SCAMP1: variants seen among roughly 807,000 people sequenced by gnomAD.
SCAMP1 encodes secretory carrier membrane protein 1.
SCAMP1 carries 15 observed loss-of-function variants against 41.8 expected under a neutral mutation model. The observed-to-expected ratio is 0.36, with a 90% CI of 0.24 to 0.55. The LOEUF (loss-of-function observed/expected upper bound fraction) is 0.55. Ranked by LOEUF, SCAMP1 falls within the 20% of genes least tolerant of loss-of-function variation. SCAMP1 has a pLI of 0.86. For missense variants in SCAMP1, 341 were observed against 412.6 expected (o/e 0.83, Z 1.50); for synonymous variants, 135 against 136.8 (o/e 0.99, Z 0.09).
chr5:78,444,059 G>C (rs948775736), intron 6 of SCAMP1, among the ~76,000 whole-genome samples: 14 of 151,802 alleles, frequency 9.2e-5, no homozygotes, highest in Admixed American at 9.2e-4. Context: ...TGTGGTAAGG[G>C]GCAGTTCATA....
At chr5:78,405,277 A>G (rs1183608565) in intron 2 of SCAMP1, among the ~76,000 whole-genome samples, 1 of 152,172 alleles carries the variant, frequency 6.6e-6, no homozygotes, top group East Asian at 1.9e-4. Context: ...AGTCTTTAAA[A>G]TAGCCTTTAA....
chr5:78,410,334 T>C (rs1407852722), intron 2 of SCAMP1, among the ~76,000 whole-genome samples: 1 of 152,068 alleles, frequency 6.6e-6, no homozygotes, highest in Non-Finnish European at 1.5e-5. Flanking sequence ...GTGTGTGTTT[T>C]TCCCCACCAT....
At chr5:78,377,004 C>T (rs1751080993) in intron 1 of SCAMP1, among the ~76,000 whole-genome samples, 1 of 152,062 alleles carries the variant, frequency 6.6e-6, no homozygotes, top group Non-Finnish European at 1.5e-5. Context: ...GATTTTCCCC[C>T]CTACCTTGGG....
At chr5:78,454,525 G>A (rs1424076679) in intron 7 of SCAMP1, among the ~76,000 whole-genome samples, 4 of 151,838 alleles carry the variant, frequency 2.6e-5, no homozygotes, top group Non-Finnish European at 4.4e-5. Context: ...GCATCCCAGG[G>A]ATGAAGCCCA....
intron 8 of SCAMP1, among the ~76,000 whole-genome samples, chr5:78,460,069 G>A (rs934634094): frequency 1.3e-5 from 2 of 152,080 alleles, no homozygotes; most frequent in African/African-American, 4.8e-5. Context: ...CATCTATGTT[G>A]CTACGAAGGA....
chr5:78,465,993 G>C (rs1753736951), intron 8 of SCAMP1, among the ~76,000 whole-genome samples: 1 of 152,230 alleles, frequency 6.6e-6, no homozygotes, highest in Admixed American at 6.5e-5. Flanking sequence ...GCGGCACCTA[G>C]GTTAGTGTTT....
At chr5:78,408,102 TAAAG>T (rs1453297388) in intron 2 of SCAMP1, among the ~76,000 whole-genome samples, 5 of 152,152 alleles carry the variant, frequency 3.3e-5, no homozygotes, top group Admixed American at 1.3e-4. Context: ...ATGCTGCTAA[TAAAG>T]ACATACCCGA....
At chr5:78,419,773 TC>T (rs1219020182) in intron 5 of SCAMP1, among the ~76,000 whole-genome samples, 1 of 152,222 alleles carries the variant, frequency 6.6e-6, no homozygotes, top group Non-Finnish European at 1.5e-5. Context: ...GAGATAATTT[TC>T]CTTAAAATCT....
At chr5:78,375,910 A>T (rs755501477) in intron 1 of SCAMP1, among the ~76,000 whole-genome samples, 1 of 152,218 alleles carries the variant, frequency 6.6e-6, no homozygotes, top group Non-Finnish European at 1.5e-5. Flanking sequence ...ATTTTCTAGT[A>T]GCCATATTAG....
chr5:78,373,002 A>G (rs564166040), intron 1 of SCAMP1, among the ~76,000 whole-genome samples: 213 of 152,268 alleles, frequency 1.4e-3, no homozygotes, highest in Non-Finnish European at 2.6e-3. Flanking sequence ...ATAACTAAAT[A>G]CTGAAGTTAG....
chr5:78,401,044 A>G (rs988496151), intron 2 of SCAMP1, among the ~76,000 whole-genome samples: 9 of 152,240 alleles, frequency 5.9e-5, no homozygotes, highest in African/African-American at 1.9e-4. Flanking sequence ...TGGTTTTATT[A>G]TGCATGTGTG....
chr5:78,429,287 T>G (rs947882675), intron 6 of SCAMP1, among the ~76,000 whole-genome samples: 34 of 151,784 alleles, frequency 2.2e-4, no homozygotes, highest in African/African-American at 7.5e-4. Context: ...TTTTTTTTTT[T>G]GTAGATGCCC....
intron 2 of SCAMP1, among the ~76,000 whole-genome samples, chr5:78,403,950 CAAAAAAAAAAAAA>C (rs61249151): frequency 2.8e-4 from 14 of 49,346 alleles, no homozygotes; most frequent in Non-Finnish European, 2.1e-4. Flanking sequence ...GACTCTGTCT[CAAAAAAAAAAAAA>C]AAAAAAAAAA....
intron 2 of SCAMP1, among the ~76,000 whole-genome samples, chr5:78,404,670 G>T (rs1285383032): frequency 6.6e-5 from 10 of 152,122 alleles, no homozygotes. Context: ...GTTGGCTGCA[G>T]TTGGGTATTT....
intron 2 of SCAMP1, among the ~76,000 whole-genome samples, chr5:78,391,419 C>G (rs989244670): frequency 2.0e-5 from 3 of 151,646 alleles, no homozygotes; most frequent in African/African-American, 4.8e-5. Context: ...CTGACCCCCC[C>G]ACCTCCCTCC....
intron 8 of SCAMP1, among the ~76,000 whole-genome samples, chr5:78,463,861 TAATG>T (rs1219591642): frequency 1.2e-5 from 1 of 81,324 alleles, no homozygotes; most frequent in Non-Finnish European, 2.4e-5. Context: ...GATTTTATCT[TAATG>T]AAGCTTTTTT....
intron 8 of SCAMP1, among the ~76,000 whole-genome samples, chr5:78,474,291 C>G (rs1321212034): frequency 2.0e-5 from 3 of 152,102 alleles, no homozygotes; most frequent in Non-Finnish European, 4.4e-5. Context: ...GGGGGGAACA[C>G]AAACATTCAG....
chr5:78,437,020 CTGTT>C (rs1323284237), intron 6 of SCAMP1, among the ~76,000 whole-genome samples: 1 of 152,194 alleles, frequency 6.6e-6, no homozygotes. Flanking sequence ...ATTTGGCTCT[CTGTT>C]TGTTATTGGT....
At chr5:78,468,074 A>C (rs1753789467) in intron 8 of SCAMP1, among the ~76,000 whole-genome samples, 1 of 152,116 alleles carries the variant, frequency 6.6e-6, no homozygotes, top group Non-Finnish European at 1.5e-5. Flanking sequence ...TATTTATCCT[A>C]ATTGAAGTGA....
Sources: allele counts gnomAD v4.1 joint callset (sites outside exome capture counted in the v4.1 genomes callset), GRCh38; gene constraint gnomAD v4.1.1; transcripts MANE v1.5; gene names NCBI Gene and HGNC (gene_info 2026-07-23, HGNC 2026-07-21).